The following LAMA1 variants were observed in gnomAD, a reference collection of about 807,000 sequenced individuals.
LAMA1 encodes laminin subunit alpha 1, also known as laminin subunit alpha-1.
A neutral mutation model predicts 348.7 loss-of-function variants in LAMA1; 219 were observed. The ratio of observed to expected loss-of-function variants is 0.63; its 90% CI spans 0.56 to 0.70. The LOEUF is 0.70. Ranked by LOEUF, LAMA1 falls within the 30% of genes least tolerant of loss-of-function variation. The pLI, the probability that LAMA1 is intolerant of heterozygous loss-of-function variation, is 0.00. For synonymous variants in LAMA1, 1,487 were observed against 1,491.0 expected (o/e 1.00, Z 0.06); for missense variants, 3,744 against 3,888.0 (o/e 0.96, Z 0.99).
At chr18:7,037,493 C>T (rs2058000451) in intron 12 of LAMA1, 85 bp downstream of exon 12, 3 of 1,497,410 alleles carry the variant, frequency 2.0e-6, no homozygotes, top group Non-Finnish European at 2.8e-6. Context: ...TATGAGACTA[C>T]CTAAAATGCA....
At chr18:7,117,556 C>T (rs2058362742) in intron 1 of LAMA1, 104 bp downstream of exon 1, 3 of 1,238,894 alleles carry the variant, frequency 2.4e-6, no homozygotes, top group South Asian at 1.4e-5. Flanking sequence ...GATCAGGATG[C>T]GCGCCCGGAC....
In LAMA1 at chr18:6,942,208, C is replaced by CTGGCTGCGCAGGCA; in HGVS notation, c.9085_9098dup (p.Gln3033HisfsTer13). On this transcript the variant is annotated frameshift_variant, in exon 63 of 63. Transcript: ENST00000389658. LOFTEE classifies it low-confidence loss of function (END_TRUNC). Reference sequence around the variant, plus strand: ...TCCTCAAACACCCGCGGAACGAGGTCTGGCTGCGCAGGCATTTTTGCTTCA... The same window carrying CTGGCTGCGCAGGCA: ...TCCTCAAACACCCGCGGAACGAGGTCTGGCTGCGCAGGCATGGCTGCGCAGGCATTTTTGCTTCA... The CTGGCTGCGCAGGCA allele has an allele frequency of 6.2e-7, 1 of 1,614,142 alleles. No homozygotes were observed. Among genetic ancestry groups the CTGGCTGCGCAGGCA allele is most frequent in the Non-Finnish European group, 8.5e-7 (1 of 1,180,036 alleles).
chr18:7,091,216 AAATTATT>A (rs2058238562), intron 1 of LAMA1, among the ~76,000 whole-genome samples: 1 of 152,240 alleles, frequency 6.6e-6, no homozygotes. Flanking sequence ...TACCTGATTA[AAATTATT>A]ATTGCACTTA....
At chr18:7,107,340 C>CA (rs1364296240) in intron 1 of LAMA1, among the ~76,000 whole-genome samples, 23 of 151,926 alleles carry the variant, frequency 1.5e-4, no homozygotes, top group Admixed American at 6.6e-4. Flanking sequence ...GGATGGTCTC[C>CA]ATCTCCTGAC....
intron 1 of LAMA1, among the ~76,000 whole-genome samples, chr18:7,096,405 C>T (rs1221304511): frequency 6.6e-6 from 1 of 152,114 alleles, no homozygotes; most frequent in African/African-American, 2.4e-5. Context: ...AGCTGGGCAT[C>T]GTGGCTCACA....
In LAMA1 at chr18:7,084,566, T is replaced by A. The variant is rs932498950; in HGVS notation, c.62-4109A>T. Among the ~76,000 whole-genome samples the A allele has an allele frequency of 2.6e-5, 4 of 152,336 alleles. No homozygotes were observed. In the East Asian group the frequency reaches 7.7e-4, roughly 29 times the overall value. On this transcript the variant is annotated intron_variant, in intron 1 of 62. Coordinates refer to ENST00000389658, the MANE Select transcript of LAMA1 (RefSeq NM_005559.4). ...CACTCAGGACACACAATGGAATCAT[T>A]CCTCTACTGTGGATTTAACCAGCAG...
chr18:7,078,667 A>G (rs943027951), intron 3 of LAMA1, among the ~76,000 whole-genome samples: 3 of 152,148 alleles, frequency 2.0e-5, no homozygotes, highest in Non-Finnish European at 2.9e-5. Flanking sequence ...GTACATCAAT[A>G]TATGAAGTAT....
intron 19 of LAMA1, among the ~76,000 whole-genome samples, chr18:7,019,848 AT>A (rs1436779453): frequency 6.6e-6 from 1 of 151,412 alleles, no homozygotes; most frequent in Non-Finnish European, 1.5e-5. Flanking sequence ...CGCCCAGCTA[AT>A]TTTTGTATTT....
intron 55 of LAMA1, 194 bp from the exon 56 acceptor site, chr18:6,956,959 T>G: frequency 3.2e-6 from 2 of 633,074 alleles, no homozygotes; most frequent in Non-Finnish European, 5.5e-6. Flanking sequence ...TGTCTGAAGC[T>G]TCTGCTTGCA....
Position 6,944,712 on chromosome 18 carries a change from T to G in LAMA1, c.8845-1310A>C, listed in dbSNP as rs1348067515. Among the ~76,000 whole-genome samples the G allele has an allele frequency of 2.6e-5, 4 of 152,172 alleles. No homozygotes were observed. The East Asian group carries it at 7.7e-4, about 29-fold the overall frequency. On this transcript the variant is annotated intron_variant, in intron 61 of 62. Transcript: ENST00000389658. ...AAAGAACCTTACTAACACATTGATC[T>G]CGGACTTCTAGTCTCTAGAGTGGCA... is the stretch of plus-strand genomic sequence containing the variant.
chr18:7,028,883 C>G (rs531547), intron 16 of LAMA1, among the ~76,000 whole-genome samples: 74,985 of 152,036 alleles, frequency 0.49, 21,414 homozygotes, highest in African/African-American at 0.79. Context: ...ACACGTGTGT[C>G]GCTGCTCCTC....
In LAMA1 at chr18:7,042,262, A is replaced by G; in HGVS notation, c.1156-12T>C. ...TCATAAGGAGACACCTGAAAGGCAG[A>G]GGTTGCCCTGGATTCTCTTACTAGA... On this transcript the variant is annotated splice_polypyrimidine_tract_variant and intron_variant, in intron 8 of 62. Transcript: ENST00000389658. The G allele has an allele frequency of 6.5e-7, 1 of 1,536,938 alleles. No individual in the cohort carries two copies. Among genetic ancestry groups the G allele is most frequent in the Non-Finnish European group, 9.0e-7 (1 of 1,113,310 alleles).
chr18:6,990,995 C>T (rs140306934), intron 36 of LAMA1, among the ~76,000 whole-genome samples: 6 of 152,122 alleles, frequency 3.9e-5, no homozygotes, highest in Non-Finnish European at 8.8e-5. Flanking sequence ...GAAGAGAAGC[C>T]AGCACTCTCC....
At position 6,968,335 on chromosome 18, in the gene LAMA1, T is replaced by C. The variant is rs368012685; in HGVS notation, c.6900-2038A>G. On this transcript the variant is annotated intron_variant, in intron 48 of 62. Coordinates refer to ENST00000389658, the MANE Select transcript of LAMA1 (RefSeq NM_005559.4). The stretch of plus-strand genomic sequence containing the variant: ...TGTGGATAATCCGGAGCTGACCTAC[T>C]AGCATGCCCTGCTGCCGTCATGCGA... 4.6e-5 allele frequency among the ~76,000 whole-genome samples: 7 copies of C among 152,316 alleles called. No homozygotes were observed. The South Asian group carries it at 1.4e-3, about 32-fold the overall frequency.
intron 16 of LAMA1, among the ~76,000 whole-genome samples, chr18:7,030,223 C>T (rs948081713): frequency 5.9e-5 from 9 of 152,258 alleles, no homozygotes; most frequent in African/African-American, 9.6e-5. Context: ...TGAGAGGGCA[C>T]GGCACCTCCA....
At position 6,986,187 on chromosome 18, in the gene LAMA1, C is replaced by T; in HGVS notation, c.5329G>A (p.Glu1777Lys). Residue 1777 changes from glutamate to lysine, a missense_variant, in exon 37 of 63, where the codon GAA (glutamate) becomes AAA (lysine). Glu to Lys is a moderately conservative substitution (Grantham distance 56, BLOSUM62 1). Coordinates refer to ENST00000389658, the MANE Select transcript of LAMA1 (RefSeq NM_005559.4). ...ACCATGAGCAGCAGGTGGTTGCTTT[C>T]CTGCATCTTTGCCTCAGCTTCCCTC... is the stretch of plus-strand genomic sequence containing the variant. ...LVREAEAKMQESNHLLLMVNA... is the reference protein window; with the variant it reads ...LVREAEAKMQKSNHLLLMVNA... 6.2e-7 allele frequency: 1 copy of T among 1,614,216 alleles called. No individual in the cohort carries two copies. The highest frequency in any genetic ancestry group is 2.2e-5 in the East Asian group (1 of 44,884).
intron 1 of LAMA1, among the ~76,000 whole-genome samples, chr18:7,094,141 G>A (rs934811702): frequency 1.3e-5 from 2 of 152,106 alleles, no homozygotes; most frequent in African/African-American, 4.8e-5. Flanking sequence ...AGATTCTGAT[G>A]CAGTAGGTCT....
chr18:6,958,506 G>A lies in LAMA1; in HGVS notation c.7935C>T (p.Gly2645=). 1 of 1,614,160 alleles carries A rather than the reference G, an allele frequency of 6.2e-7. No individual in the cohort carries two copies. The highest frequency in any genetic ancestry group is 8.5e-7 in the Non-Finnish European group (1 of 1,180,034). The change falls in exon 55 of 63, where the codon GGC becomes GGT. Residue 2645 remains glycine, a synonymous_variant. Coordinates refer to ENST00000389658, the MANE Select transcript of LAMA1 (RefSeq NM_005559.4). The stretch of plus-strand genomic sequence containing the variant: ...AATTGAAGATCAGGTTTTTGATACA[G>A]CCATGGAACGATCTTCTCATTGTGA... ...SLLTMRRSFH[G]CIKNLIFNLE... is the part of the protein sequence containing the mutation.
rs190139420 is a variant in LAMA1 at position 7,001,922 on chromosome 18, T to C, written c.4382+342A>G. Among the ~76,000 whole-genome samples the C allele has an allele frequency of 1.2e-3, 187 of 152,336 alleles. 1 individual carries two copies. Among genetic ancestry groups the C allele is most frequent in the Middle Eastern group, 3.4e-3 (1 of 294 alleles). On this transcript the variant is annotated intron_variant, in intron 30 of 62. Coordinates refer to ENST00000389658, the MANE Select transcript of LAMA1 (RefSeq NM_005559.4). The stretch of plus-strand genomic sequence containing the variant: ...CTAACCCCATTCCCTTAAATGGTAA[T>C]TGGGTTCTTTTGTATCATTATCAAT...
Sources: gnomAD v4.1 joint callset for allele counts (sites outside exome capture counted in the v4.1 genomes callset) on GRCh38, gnomAD v4.1.1 for gene constraint, MANE v1.5 for transcripts, NCBI Gene and HGNC (gene_info 2026-07-23, HGNC 2026-07-21) for gene names.